Variants in WDFY4 observed in about 807,000 individuals in gnomAD.
WDFY4 encodes WDFY family member 4, also known as WD repeat- and FYVE domain-containing protein 4.
Under a neutral mutation model 351.9 loss-of-function variants are expected in WDFY4, and 169 were observed. That is an observed-to-expected ratio of 0.48 (90% confidence interval 0.42 to 0.55). WDFY4 has a LOEUF of 0.55. Among genes scored for constraint, WDFY4 ranks in the 20% least tolerant of loss-of-function variants. The pLI, the probability that WDFY4 is intolerant of heterozygous loss-of-function variation, is 0.00. For synonymous variants in WDFY4, 1,622 were observed against 1,574.6 expected (o/e 1.03, Z -0.71); for missense variants, 3,803 against 3,935.6 (o/e 0.97, Z 0.90).
intron 57 of WDFY4, among the ~76,000 whole-genome samples, chr10:48,974,087 C>A (rs545256165): frequency 6.6e-6 from 1 of 152,310 alleles, no homozygotes; most frequent in South Asian, 2.1e-4. Flanking sequence ...CCATCCCCAG[C>A]GTTTCTGATT....
intron 39 of WDFY4, among the ~76,000 whole-genome samples, chr10:48,847,615 T>A (rs1279570623): frequency 1.3e-5 from 2 of 151,880 alleles, no homozygotes; most frequent in East Asian, 3.9e-4. Context: ...AATAGGCGAG[T>A]TCAGGGAAGG....
intron 12 of WDFY4, 41 bp from the exon 13 acceptor site, chr10:48,760,306 G>C (rs1342456289): frequency 6.6e-7 from 1 of 1,523,838 alleles, no homozygotes; most frequent in South Asian, 1.2e-5. Flanking sequence ...AAAGAAACTG[G>C]AAGGTCCGTG....
At chr10:48,709,075 G>C (rs1226054170) in intron 1 of WDFY4, among the ~76,000 whole-genome samples, 1 of 151,216 alleles carries the variant, frequency 6.6e-6, no homozygotes, top group Non-Finnish European at 1.5e-5. Flanking sequence ...CTGCCTGTAT[G>C]CCTTTGGCCC....
At chr10:48,851,436 T>C (rs2068953635) in intron 39 of WDFY4, among the ~76,000 whole-genome samples, 1 of 152,188 alleles carries the variant, frequency 6.6e-6, no homozygotes, top group Non-Finnish European at 1.5e-5. Flanking sequence ...AGTCTAAGGA[T>C]GAAATGGTAA....
chr10:48,923,783 CA>C (rs1839332089), intron 47 of WDFY4, among the ~76,000 whole-genome samples: 1 of 152,002 alleles, frequency 6.6e-6, no homozygotes. Flanking sequence ...CCCTGAACAC[CA>C]AAAACCTGGG....
At chr10:48,768,122 C>G (rs1245234326) in intron 13 of WDFY4, among the ~76,000 whole-genome samples, 1 of 152,178 alleles carries the variant, frequency 6.6e-6, no homozygotes, top group African/African-American at 2.4e-5. Context: ...GAGGGTAGTC[C>G]TGTCATCTGG....
At chr10:48,956,139 T>G (rs973179075) in intron 51 of WDFY4, among the ~76,000 whole-genome samples, 7 of 152,184 alleles carry the variant, frequency 4.6e-5, no homozygotes, top group Admixed American at 1.3e-4. Context: ...TGAATAAGGA[T>G]AGCATCAGCT....
Position 48,684,988 on chromosome 10 carries a change from G to C in WDFY4, c.-31G>C, listed in dbSNP as rs1040981751. ...CCTTCTGATGTCTACAGGCGCTGAC[G>C]GCCACCCCTCCAGGTAGGCCACCTT... On this transcript the variant is annotated 5_prime_UTR_variant, in exon 1 of 62. Transcript: ENST00000325239. 1 of 152,400 alleles carries C rather than the reference G, an allele frequency of 6.6e-6. No individual in the cohort carries two copies. Among genetic ancestry groups the C allele is most frequent in the Non-Finnish European group, 1.5e-5 (1 of 68,164 alleles). 9.4% of individuals were successfully genotyped at this position (152,400 alleles called of 1,614,324 possible).
chr10:48,973,036 G>A (rs1013626283), intron 57 of WDFY4, among the ~76,000 whole-genome samples: 29 of 152,180 alleles, frequency 1.9e-4, no homozygotes, highest in African/African-American at 6.0e-4. Context: ...CTCCAGGCTG[G>A]TCGGAAGGCA....
chr10:48,731,365 T>A lies in WDFY4; in HGVS notation c.1385T>A (p.Val462Glu). Residue 462 changes from valine (V) to glutamate (E), a missense_variant, in exon 9 of 62, where the codon GTG becomes GAG. Val to Glu is a moderately radical substitution (Grantham distance 121). Around this residue, in one of 3 missense-constraint regions of WDFY4, gnomAD observed 261 missense variants for 330.2 expected, o/e 0.79. Transcript: ENST00000325239. ...LEALVFELHY[V>E]PHEILRKVQH... ...GCCCTGGTGTTCGAGCTGCACTACG[T>A]GCCTCATGAGATCCTGCGAAAGGTA... is the stretch of plus-strand genomic sequence containing the variant. The A allele has an allele frequency of 6.4e-7, 1 of 1,551,782 alleles. No homozygotes were observed. Among genetic ancestry groups the A allele is most frequent in the Non-Finnish European group, 8.7e-7 (1 of 1,147,008 alleles).
chr10:48,718,338 T>C (rs1430681565), intron 2 of WDFY4, among the ~76,000 whole-genome samples: 1 of 152,204 alleles, frequency 6.6e-6, no homozygotes, highest in African/African-American at 2.4e-5. Flanking sequence ...AATCTTTTAA[T>C]AAAGGGAAGA....
chr10:48,980,141 C>T (rs1842749894), intron 60 of WDFY4: 3 of 152,148 alleles, frequency 2.0e-5, no homozygotes, highest in Admixed American at 1.3e-4. Flanking sequence ...ATTGTGATTA[C>T]AGTTCAAGGG....
chr10:48,955,567 C>A (rs969072782), intron 51 of WDFY4, among the ~76,000 whole-genome samples: 1 of 152,162 alleles, frequency 6.6e-6, no homozygotes, highest in Non-Finnish European at 1.5e-5. Flanking sequence ...GGAGTTGCAT[C>A]CATGGGTTTG....
chr10:48,796,320 A>G lies in WDFY4; in HGVS notation c.4280A>G (p.Lys1427Arg), dbSNP rs1461400584. The change falls in exon 24 of 62, where the codon AAG becomes AGG. Residue 1427 changes from lysine (K) to arginine (R), a missense_variant. Around this residue, in one of 3 missense-constraint regions of WDFY4, gnomAD observed 3,054 missense variants for 3,148.6 expected, o/e 0.97. Transcript: ENST00000325239. ...CAGATAATGGCGTTTCTCCTGAGGAAGAAGGCCTCTCTCCTGAACCATCGA... is the reference window on the plus strand; with the variant it reads ...CAGATAATGGCGTTTCTCCTGAGGAGGAAGGCCTCTCTCCTGAACCATCGA... ...GYQIMAFLLR[K>R]KASLLNHRIF... 6.4e-7 allele frequency: 1 copy of G among 1,552,188 alleles called. No homozygotes were observed. The highest frequency in any genetic ancestry group is 2.4e-5 in the East Asian group (1 of 40,916).
chr10:48,734,166 C>T, intron 10 of WDFY4, 131 bp downstream of exon 10: 1 of 736,294 alleles, frequency 1.4e-6, no homozygotes, highest in Non-Finnish European at 2.2e-6. Context: ...GGCTAATGAT[C>T]CTCTCTTGGC....
rs560957417 is a variant in WDFY4 at position 48,820,679 on chromosome 10, C to T, written c.5709+242C>T. Reference sequence around the variant, plus strand: ...GAGTTATTGGCCAGTGGGTTGGAGGCGGTGTTCTCAGGAGAAGCAGGGAGG... The same window carrying T: ...GAGTTATTGGCCAGTGGGTTGGAGGTGGTGTTCTCAGGAGAAGCAGGGAGG... On this transcript the variant is annotated intron_variant, in intron 33 of 61. Coordinates refer to ENST00000325239, the MANE Select transcript of WDFY4 (RefSeq NM_001394531.1). 6.6e-5 allele frequency among the ~76,000 whole-genome samples: 10 copies of T among 152,148 alleles called. No individual in the cohort carries two copies. In the East Asian group the frequency reaches 9.7e-4, roughly 15 times the overall value.
At chr10:48,929,885 A>C (rs1839885966) in intron 47 of WDFY4, among the ~76,000 whole-genome samples, 1 of 151,778 alleles carries the variant, frequency 6.6e-6, no homozygotes, top group Non-Finnish European at 1.5e-5. Flanking sequence ...ACCCCCAATT[A>C]ATAAAGCAGA....
intron 51 of WDFY4, among the ~76,000 whole-genome samples, chr10:48,956,274 C>CG (rs1026286610): frequency 1.1e-4 from 16 of 152,202 alleles, no homozygotes; most frequent in African/African-American, 3.1e-4. Context: ...GCCTTGGGAC[C>CG]AGGGCTGGCC....
chr10:48,786,011 C>T (rs764865595), intron 19 of WDFY4, among the ~76,000 whole-genome samples: 4 of 152,140 alleles, frequency 2.6e-5, no homozygotes, highest in South Asian at 2.1e-4. Context: ...TTATATAGGT[C>T]GTCTTGGACT....
Sources: gnomAD v4.1 joint callset for allele counts (sites outside exome capture counted in the v4.1 genomes callset) on GRCh38, gnomAD v4.1.1 for gene constraint, gnomAD v4.1.1 regional missense constraint, MANE v1.5 for transcripts, NCBI Gene and HGNC (gene_info 2026-07-23, HGNC 2026-07-21) for gene names.